NCS1: variants seen among roughly 807,000 people sequenced by gnomAD.
NCS1 encodes neuronal calcium sensor 1.
In NCS1, 6 loss-of-function variants were observed where a neutral mutation model predicts 28.4. The observed-to-expected ratio is 0.21, with a 90% confidence interval of 0.12 to 0.42. The LOEUF (loss-of-function observed/expected upper bound fraction) is 0.42. Among genes scored for constraint, NCS1 ranks in the 10% least tolerant of loss-of-function variants. NCS1 has a pLI of 1.00. For missense variants in NCS1, 131 were observed against 241.4 expected, an observed-to-expected ratio of 0.54 and a Z score of 3.03; for synonymous variants, 86 against 99.3, an observed-to-expected ratio of 0.87 and a Z score of 0.79.
intron 2 of NCS1, among the ~76,000 whole-genome samples, chr9:130,205,376 A>G (rs781958608): frequency 6.6e-6 from 1 of 151,990 alleles, no homozygotes; most frequent in East Asian, 1.9e-4. Context: ...CACTTCCCCT[A>G]AAGAGCTTAT....
chr9:130,229,897 T>C (rs148103390), intron 7 of NCS1, among the ~76,000 whole-genome samples: 1 of 152,378 alleles, frequency 6.6e-6, no homozygotes, highest in African/African-American at 2.4e-5. Flanking sequence ...CATTGACTTA[T>C]TCAGAAACTG....
At position 130,224,391 on chromosome 9, in the gene NCS1, C is replaced by CAA. The variant is rs71387332; in HGVS notation, c.474+1248_474+1249dup. Among the ~76,000 whole-genome samples the CAA allele has an allele frequency of 9.6e-4, 93 of 96,420 alleles. 1 individual carries two copies. Among genetic ancestry groups the CAA allele is most frequent in the Non-Finnish European group, 1.3e-3 (65 of 48,608 alleles). The allele number at this position is 96,420 out of a possible 152,430, so 63.3% of individuals were successfully genotyped here. A position where few individuals can be genotyped will look rare whatever the true frequency, so the allele number is the denominator to read the frequency against. ...TGGGCAACAGAGTGAGACGCAGTCT[C>CAA]AAAAAAAAAAAAAAAAATTATCCAG... On this transcript the variant is annotated intron_variant, in intron 6 of 7. Coordinates refer to ENST00000372398, the MANE Select transcript of NCS1 (RefSeq NM_014286.4).
rs1206184259 is a variant in NCS1 at position 130,222,100 on chromosome 9, G to A, written c.308-550G>A. ...TCTATAAATATATATATGTGTGTGT[G>A]TATATATATATACGTATATATATAT... On this transcript the variant is annotated intron_variant, in intron 4 of 7. Transcript: ENST00000372398. Among the ~76,000 whole-genome samples, 56 of 62,398 alleles carry A rather than the reference G, an allele frequency of 9.0e-4. 1 individual carries two copies. Among genetic ancestry groups the A allele is most frequent in the African/African-American group, 2.7e-3 (50 of 18,848 alleles). 40.9% of individuals were successfully genotyped at this position (62,398 alleles called of 152,430 possible).
rs180819338 is a variant in NCS1 at position 130,183,935 on chromosome 9, G to A, written c.64+11208G>A. Among the ~76,000 whole-genome samples the A allele has an allele frequency of 3.5e-3, 531 of 151,328 alleles. 3 individuals carry two copies. Among genetic ancestry groups the A allele is most frequent in the African/African-American group, 0.012 (500 of 41,222 alleles). ...CGCCATTCTCTGGCCTCAGCCTCCC[G>A]AGTAGCTGGGACCACAGGCGCCCGC... On this transcript the variant is annotated intron_variant, in intron 1 of 7. Transcript: ENST00000372398.
intron 7 of NCS1, among the ~76,000 whole-genome samples, chr9:130,228,588 G>A (rs1554911722): frequency 6.6e-6 from 1 of 151,440 alleles, no homozygotes; most frequent in Non-Finnish European, 1.5e-5. Flanking sequence ...TTGCTGTGAT[G>A]TGTTATTTTT....
chr9:130,220,708 C>T (rs993248581), intron 4 of NCS1, among the ~76,000 whole-genome samples: 1 of 151,236 alleles, frequency 6.6e-6, no homozygotes, highest in Non-Finnish European at 1.5e-5. Context: ...TTCAGTCCAT[C>T]GGCAGCAAGA....
In NCS1 at chr9:130,206,222, A is replaced by G. The variant is rs76812304; in HGVS notation, c.89+5240A>G. Among the ~76,000 whole-genome samples, 1,426 of 152,200 alleles carry G rather than the reference A, an allele frequency of 9.4e-3. 15 individuals are homozygous for G. Among genetic ancestry groups the G allele is most frequent in the Non-Finnish European group, 0.011 (760 of 68,006 alleles). On this transcript the variant is annotated intron_variant, in intron 2 of 7. Transcript: ENST00000372398. ...TGATTGTCTTAAACTTCACTGGTTA[A>G]CCACGAGCCTGCCTACTCACGGGCT...
chr9:130,219,756 A>C lies in NCS1; in HGVS notation c.260A>C (p.Gln87Pro). ...DGRIEFSEFI[Q>P]ALSVTSRGTL... ...CGAATTGAGTTCTCCGAGTTCATCC[A>C]GGCGCTGTCGGTGACCTCACGGGGA... is the stretch of plus-strand genomic sequence containing the variant. Residue 87 changes from glutamine to proline, a missense_variant, in exon 4 of 8, where the codon CAG becomes CCG. By Grantham distance (76) the Gln-to-Pro change is moderately conservative (BLOSUM62 -1). Around this residue, in one of 2 missense-constraint regions of NCS1, gnomAD observed 100 missense variants for 210.3 expected, o/e 0.48. Transcript: ENST00000372398. This position sits in a 1 kb window ranked among gnomAD's most constrained non-coding sequence, Gnocchi z 5.7. The C allele has an allele frequency of 6.2e-7, 1 of 1,614,194 alleles. No homozygotes were observed. The highest frequency in any genetic ancestry group is 8.5e-7 in the Non-Finnish European group (1 of 1,180,026).
rs1033885978 is a variant in NCS1 at position 130,191,696 on chromosome 9, G to T, written c.65-9262G>T. Among the ~76,000 whole-genome samples, 1 of 152,242 alleles carries T rather than the reference G, an allele frequency of 6.6e-6. No individual in the cohort carries two copies. The highest frequency in any genetic ancestry group is 1.5e-5 in the Non-Finnish European group (1 of 68,042). Reference sequence around the variant, plus strand: ...GGTTCAGGCTGGTGCCGGGCAGACCGCAGTCAGCACCCGATGGCGACAGTG... The same window carrying T: ...GGTTCAGGCTGGTGCCGGGCAGACCTCAGTCAGCACCCGATGGCGACAGTG... On this transcript the variant is annotated intron_variant, in intron 1 of 7. Transcript: ENST00000372398. The surrounding 1 kb of genome is among the most constrained non-coding windows in gnomAD (Gnocchi z 6.4).
Position 130,175,062 on chromosome 9 carries a change from C to T in NCS1, c.64+2335C>T, listed in dbSNP as rs1262208951. On this transcript the variant is annotated intron_variant, in intron 1 of 7. Transcript: ENST00000372398. This position sits in a 1 kb window ranked among gnomAD's most constrained non-coding sequence, Gnocchi z 4.9. ...GTTGGCCTGGGTACTTTTCCTCTGT[C>T]GAAGCCCTTATTAGGGGTGGGCCGT... Among the ~76,000 whole-genome samples the T allele has an allele frequency of 7.9e-5, 12 of 152,028 alleles. No individual in the cohort carries two copies. The highest frequency in any genetic ancestry group is 2.2e-4 in the African/African-American group (9 of 41,378).
chr9:130,219,498 C>T lies in NCS1; in HGVS notation c.229-227C>T, dbSNP rs1443472013. On this transcript the variant is annotated intron_variant, in intron 3 of 7. Transcript: ENST00000372398. The surrounding 1 kb of genome is among the most constrained non-coding windows in gnomAD (Gnocchi z 5.7). ...GCCTCAGTCCTTCTTCCTGTGCCTC[C>T]CTCCTGGCCTCTCCCACTTCTAACC... Among the ~76,000 whole-genome samples the T allele has an allele frequency of 6.6e-6, 1 of 152,064 alleles. No individual in the cohort carries two copies. The highest frequency in any genetic ancestry group is 1.5e-5 in the Non-Finnish European group (1 of 68,002).
At chr9:130,178,769 G>T (rs1189086787) in intron 1 of NCS1, among the ~76,000 whole-genome samples, 3 of 146,736 alleles carry the variant, frequency 2.0e-5, no homozygotes, top group African/African-American at 7.5e-5. Context: ...CTGGAGTATC[G>T]GTGGGGATGA....
intron 1 of NCS1, chr9:130,200,523 C>T (rs1342775828): frequency 7.8e-6 from 12 of 1,531,914 alleles, no homozygotes; most frequent in African/African-American, 1.4e-5. Flanking sequence ...GCTCCCCCCA[C>T]CCCCCCACAT....
intron 1 of NCS1, chr9:130,200,394 G>A (rs952359089): frequency 3.6e-5 from 22 of 606,590 alleles, no homozygotes; most frequent in Admixed American, 2.1e-4. Flanking sequence ...TTTGCTTCAC[G>A]GCTCTGTTCA....
chr9:130,213,074 TTTACCCATGCGC>T (rs1207184884), intron 2 of NCS1, among the ~76,000 whole-genome samples: 1 of 152,150 alleles, frequency 6.6e-6, no homozygotes, highest in African/African-American at 2.4e-5. Context: ...TAGCAGTCGC[TTTACCCATGCGC>T]TTACACGGGG....
chr9:130,208,030 A>G (rs1554908316), intron 2 of NCS1, among the ~76,000 whole-genome samples: 1 of 152,086 alleles, frequency 6.6e-6, no homozygotes, highest in African/African-American at 2.4e-5. Context: ...AGGGCTGCTT[A>G]AGAAATGGCA....
At chr9:130,204,999 C>G (rs1833005621) in intron 2 of NCS1, among the ~76,000 whole-genome samples, 1 of 151,998 alleles carries the variant, frequency 6.6e-6, no homozygotes, top group South Asian at 2.1e-4. Context: ...TGGACAAAAC[C>G]CCAGGCCCCG....
intron 2 of NCS1, among the ~76,000 whole-genome samples, chr9:130,203,384 C>T (rs982249480): frequency 7.9e-5 from 12 of 152,092 alleles, no homozygotes; most frequent in African/African-American, 2.7e-4. Flanking sequence ...GGATTACAGG[C>T]GTAAGCCACC....
At chr9:130,174,535 G>C (rs1311963285) in intron 1 of NCS1, among the ~76,000 whole-genome samples, 1 of 152,144 alleles carries the variant, frequency 6.6e-6, no homozygotes, top group African/African-American at 2.4e-5. Context: ...TTCAGAGCTC[G>C]TGCCAAGAGC....
Sources: allele counts gnomAD v4.1 joint callset (sites outside exome capture counted in the v4.1 genomes callset), GRCh38; gene constraint gnomAD v4.1.1; regional missense constraint gnomAD v4.1.1; non-coding constraint Gnocchi (gnomAD v3.1); transcripts MANE v1.5; gene names NCBI Gene and HGNC (gene_info 2026-07-23, HGNC 2026-07-21).